The following GAS7 variants were observed in gnomAD, a reference collection of about 807,000 sequenced individuals.
GAS7 encodes growth arrest specific 7, also known as growth arrest-specific protein 7.
Under a neutral mutation model 71.1 loss-of-function variants are expected in GAS7, and 28 were observed. The observed-to-expected ratio is 0.39, with a 90% confidence interval of 0.29 to 0.54. The LOEUF (loss-of-function observed/expected upper bound fraction) is 0.54. Among genes scored for constraint, GAS7 ranks in the 20% least tolerant of loss-of-function variants. The probability of loss-of-function intolerance (pLI) is 0.62; values close to 1 mark genes in which losing one functional copy is unlikely to be tolerated. For synonymous variants in GAS7, 258 were observed against 245.8 expected, an observed-to-expected ratio of 1.05 and a Z score of -0.46; for missense variants, 436 against 627.8, an observed-to-expected ratio of 0.69 and a Z score of 3.27.
At chr17:10,197,283 G>C (rs1037316323) in intron 1 of GAS7, among the ~76,000 whole-genome samples, 8 of 152,054 alleles carry the variant, frequency 5.3e-5, no homozygotes, top group Admixed American at 1.3e-4. Flanking sequence ...GATTTCTTCC[G>C]GCAGTGTTTT....
chr17:10,100,654 CCCATCCAGGCT>C (rs1325950777), intron 1 of GAS7, among the ~76,000 whole-genome samples: 1 of 152,188 alleles, frequency 6.6e-6, no homozygotes, highest in Non-Finnish European at 1.5e-5. Flanking sequence ...TCCCAACCCC[CCCATCCAGGCT>C]CCATCTGAAA....
rs34994635 is a variant in GAS7, at chr17:9,919,969, T to TTGTGTGTGTGTGTGTG, written c.1139-280_1139-265dup. Among the ~76,000 whole-genome samples the TTGTGTGTGTGTGTGTG allele has an allele frequency of 5.3e-4, 70 of 131,496 alleles. 1 individual carries two copies. Among genetic ancestry groups the TTGTGTGTGTGTGTGTG allele is most frequent in the African/African-American group, 9.6e-4 (33 of 34,352 alleles). 86.3% of individuals were successfully genotyped at this position (131,496 alleles called of 152,430 possible). A position where few individuals can be genotyped will look rare whatever the true frequency, so the allele number is the denominator to read the frequency against. ...AGGATTCAGGATGGTGGTTCTCATT[T>TTGTGTGTGTGTGTGTG]TGTGTGTGTGTGTGTGTGTGTGTGT... On this transcript the variant is annotated intron_variant, in intron 11 of 13. Transcript: ENST00000432992. The surrounding 1 kb of genome is among the most constrained non-coding windows in gnomAD (Gnocchi z 5.0).
intron 1 of GAS7, among the ~76,000 whole-genome samples, chr17:10,078,243 C>G (rs571283602): frequency 6.6e-6 from 1 of 152,214 alleles, no homozygotes; most frequent in Non-Finnish European, 1.5e-5. Context: ...AGACGTGCAC[C>G]ACCATGCCTG....
intron 8 of GAS7, among the ~76,000 whole-genome samples, chr17:9,936,954 C>T (rs1429839225): frequency 6.6e-6 from 1 of 152,232 alleles, no homozygotes; most frequent in Non-Finnish European, 1.5e-5. Context: ...TCTCCAGCCT[C>T]CCTGAGCAGC....
intron 4 of GAS7, among the ~76,000 whole-genome samples, chr17:9,961,862 C>A (rs915767097): frequency 4.6e-5 from 7 of 152,206 alleles, no homozygotes; most frequent in African/African-American, 1.7e-4. Context: ...CCTCTATCTT[C>A]CGCCATCTCT....
At chr17:9,990,126 G>A (rs962975286) in intron 2 of GAS7, among the ~76,000 whole-genome samples, 8 of 152,146 alleles carry the variant, frequency 5.3e-5, no homozygotes, top group South Asian at 2.1e-4. Flanking sequence ...AAAATTAGCC[G>A]GGCGTGGTGG....
chr17:10,048,408 ACCCT>A (rs138654109), intron 1 of GAS7, among the ~76,000 whole-genome samples: 13,826 of 152,126 alleles, frequency 0.091, 1,362 homozygotes, highest in African/African-American at 0.25. Context: ...CTTCTCCTCT[ACCCT>A]CCCTACCAAT....
chr17:10,078,233 A>G (rs2073418328), intron 1 of GAS7, among the ~76,000 whole-genome samples: 2 of 152,150 alleles, frequency 1.3e-5, no homozygotes, highest in Non-Finnish European at 2.9e-5. Context: ...CTGAAACTGC[A>G]GACGTGCACC....
chr17:9,986,872 G>A (rs970656985), intron 2 of GAS7, among the ~76,000 whole-genome samples: 1 of 152,198 alleles, frequency 6.6e-6, no homozygotes, highest in African/African-American at 2.4e-5. Context: ...CCTGGGGCAG[G>A]GATGGTGCTG....
In GAS7 at chr17:9,925,436, T is replaced by C. The variant is rs200155082; in HGVS notation, c.1138+40A>G. On this transcript the variant is annotated intron_variant, in intron 11 of 13. Coordinates refer to ENST00000432992, the MANE Select transcript of GAS7 (RefSeq NM_201433.2). The stretch of plus-strand genomic sequence containing the variant: ...CTCCTAGCCCCGTGCCCTCTCCTTC[T>C]GTGTGCACTGACCAGGCCAGGCGGG... The C allele has an allele frequency of 2.0e-4, 314 of 1,604,194 alleles. 2 individuals are homozygous for C. The African/African-American group carries it at 3.6e-3, about 19-fold the overall frequency.
At chr17:10,153,817 A>G (rs2074185153) in intron 1 of GAS7, among the ~76,000 whole-genome samples, 1 of 151,984 alleles carries the variant, frequency 6.6e-6, no homozygotes, top group South Asian at 2.1e-4. Flanking sequence ...CTGTAATCCC[A>G]GCATTTTGGG....
chr17:10,113,716 G>A (rs1405114600), intron 1 of GAS7, among the ~76,000 whole-genome samples: 1 of 152,148 alleles, frequency 6.6e-6, no homozygotes, highest in Non-Finnish European at 1.5e-5. Context: ...ACTTCTGGAA[G>A]TACCCACAAG....
intron 2 of GAS7, among the ~76,000 whole-genome samples, chr17:10,007,900 G>GCC (rs981364254): frequency 2.1e-5 from 3 of 141,796 alleles, no homozygotes; most frequent in African/African-American, 8.6e-5. Context: ...ATTAATTCCA[G>GCC]CTCCCCCCCG....
chr17:10,198,568 G>A lies in GAS7; in HGVS notation c.-178C>T, dbSNP rs2142162573. On this transcript the variant is annotated 5_prime_UTR_variant, in exon 1 of 14. Transcript: ENST00000432992. ...GCGGGGGACGCGCGCTCCGCGCCGG[G>A]AAGCAGAGACTCGTTGGCTTCGCAG... The A allele has an allele frequency of 5.1e-6, 2 of 390,024 alleles. No homozygotes were observed. The highest frequency in any genetic ancestry group is 4.4e-6 in the Non-Finnish European group (1 of 224,938). The allele number at this position is 390,024 out of a possible 1,614,324, so 24.2% of individuals were successfully genotyped here. A position where few individuals can be genotyped will look rare whatever the true frequency, so the allele number is the denominator to read the frequency against.
At chr17:10,181,831 C>T (rs943341327) in intron 1 of GAS7, among the ~76,000 whole-genome samples, 4 of 152,090 alleles carry the variant, frequency 2.6e-5, no homozygotes, top group African/African-American at 4.8e-5. Context: ...GTAAAGGAGC[C>T]GGCCAAAACC....
chr17:10,099,100 T>G (rs190463227), intron 1 of GAS7, among the ~76,000 whole-genome samples: 51 of 152,364 alleles, frequency 3.3e-4, no homozygotes. Flanking sequence ...CCCTGTCTCC[T>G]TATGCTTGTG....
intron 1 of GAS7, among the ~76,000 whole-genome samples, chr17:10,045,422 T>A (rs2072937230): frequency 6.6e-6 from 1 of 151,906 alleles, no homozygotes; most frequent in South Asian, 2.1e-4. Flanking sequence ...ATTGGCCGGG[T>A]GTGGTGGCTC....
intron 1 of GAS7, among the ~76,000 whole-genome samples, chr17:10,147,884 C>T (rs2051667): frequency 0.63 from 95,109 of 152,024 alleles, 30,622 homozygotes; most frequent in African/African-American, 0.76. Flanking sequence ...TACAGAACTC[C>T]AAGTCAAAAG....
chr17:10,049,304 C>T (rs1425540360), intron 1 of GAS7, among the ~76,000 whole-genome samples: 1 of 152,142 alleles, frequency 6.6e-6, no homozygotes, highest in Non-Finnish European at 1.5e-5. Context: ...TTGGGTAAGA[C>T]CAATAAACCA....
Sources: allele counts gnomAD v4.1 joint callset (sites outside exome capture counted in the v4.1 genomes callset), GRCh38; gene constraint gnomAD v4.1.1; non-coding constraint Gnocchi (gnomAD v3.1); transcripts MANE v1.5; gene names NCBI Gene and HGNC (gene_info 2026-07-23, HGNC 2026-07-21).